CPEB1: variants seen among roughly 807,000 people sequenced by gnomAD.
CPEB1 encodes cytoplasmic polyadenylation element binding protein 1, also known as cytoplasmic polyadenylation element-binding protein 1.
In CPEB1, 7 loss-of-function variants were observed where a neutral mutation model predicts 65.8. The observed-to-expected ratio is 0.11, with a 90% CI of 0.06 to 0.20. The LOEUF is 0.20. Among genes scored for constraint, CPEB1 ranks in the 10% least tolerant of loss-of-function variants. CPEB1 has a pLI of 1.00. For synonymous variants in CPEB1, 262 were observed against 260.0 expected (o/e 1.01, Z -0.08); for missense variants, 551 against 712.2 (o/e 0.77, Z 2.58).
chr15:82,560,545 TACC>T (rs1200070595), intron 4 of CPEB1, among the ~76,000 whole-genome samples: 1 of 151,990 alleles, frequency 6.6e-6, no homozygotes, highest in African/African-American at 2.4e-5. Flanking sequence ...ATGTGATATC[TACC>T]ACATCTGGCT....
intron 3 of CPEB1, among the ~76,000 whole-genome samples, chr15:82,596,391 T>C (rs1489069446): frequency 6.6e-6 from 1 of 152,154 alleles, no homozygotes; most frequent in Non-Finnish European, 1.5e-5. Flanking sequence ...GGAAAACATA[T>C]GTACTAAAAA....
At chr15:82,596,328 T>C (rs1200181702) in intron 3 of CPEB1, among the ~76,000 whole-genome samples, 2 of 152,172 alleles carry the variant, frequency 1.3e-5, no homozygotes, top group South Asian at 2.1e-4. Context: ...AAGATTTAAC[T>C]TGCAAATGCA....
In CPEB1 at chr15:82,628,439, A is replaced by G; in HGVS notation, c.21T>C (p.Thr7=). MFSGIA[T]STSSSMSGTG... Reference sequence around the variant, plus strand: ...TGCCAGACATGGAAGACGATGTTGAAGTAGCAATGCCAGAAAACATATTGA... The same window carrying G: ...TGCCAGACATGGAAGACGATGTTGAGGTAGCAATGCCAGAAAACATATTGA... The change falls in exon 2 of 13, where the codon ACT becomes ACC. Residue 7 remains threonine (T), a synonymous_variant. Transcript: ENST00000684509. 1 of 702,964 alleles carries G rather than the reference A, an allele frequency of 1.4e-6. No individual in the cohort carries two copies. Among genetic ancestry groups the G allele is most frequent in the Non-Finnish European group, 2.6e-6 (1 of 384,980 alleles). The allele number at this position is 702,964 out of a possible 1,614,324, so 43.5% of individuals were successfully genotyped here. A position where few individuals can be genotyped will look rare whatever the true frequency, so the allele number is the denominator to read the frequency against.
At chr15:82,555,288 C>T (rs1223160578) in intron 6 of CPEB1, among the ~76,000 whole-genome samples, 1 of 152,252 alleles carries the variant, frequency 6.6e-6, no homozygotes, top group Non-Finnish European at 1.5e-5. Context: ...TGCTGAGCCA[C>T]CCAGGCCAGC....
intron 4 of CPEB1, among the ~76,000 whole-genome samples, chr15:82,559,156 G>A (rs941631724): frequency 6.6e-6 from 1 of 152,146 alleles, no homozygotes; most frequent in East Asian, 1.9e-4. Flanking sequence ...TCTGGAGCTG[G>A]AGTCCCAAGA....
intron 1 of CPEB1, among the ~76,000 whole-genome samples, chr15:82,632,163 T>C (rs1044588205): frequency 2.6e-5 from 4 of 151,808 alleles, no homozygotes; most frequent in Admixed American, 6.6e-5. Flanking sequence ...TTTGTATTTT[T>C]AGTAGAGATG....
chr15:82,627,500 T>C, intron 2 of CPEB1, 133 bp from the exon 3 acceptor site: 1 of 630,912 alleles, frequency 1.6e-6, no homozygotes, highest in East Asian at 2.9e-5. Flanking sequence ...TTAATGAGTG[T>C]TTACTATGAG....
intron 3 of CPEB1, among the ~76,000 whole-genome samples, chr15:82,611,322 T>TG (rs2044133406): frequency 1.3e-5 from 2 of 152,184 alleles, no homozygotes; most frequent in Non-Finnish European, 2.9e-5. Flanking sequence ...ATTAACAGTT[T>TG]GACTTACAAT....
intron 1 of CPEB1, among the ~76,000 whole-genome samples, chr15:82,643,877 G>A (rs2047293073): frequency 6.6e-6 from 1 of 152,084 alleles, no homozygotes; most frequent in Non-Finnish European, 1.5e-5. Flanking sequence ...CAGCATTATG[G>A]GAATCTTAGC....
chr15:82,557,088 C>T (rs1045589821), intron 5 of CPEB1, among the ~76,000 whole-genome samples: 4 of 152,200 alleles, frequency 2.6e-5, no homozygotes, highest in African/African-American at 7.2e-5. Flanking sequence ...TCTACTATCC[C>T]CTATCTATAT....
rs1381572049 is a variant in CPEB1, at chr15:82,544,539, T to G, written c.*53A>C. The G allele has an allele frequency of 4.2e-6, 6 of 1,423,062 alleles. No individual in the cohort carries two copies. In the African/African-American group the frequency reaches 8.4e-5, roughly 20 times the overall value. The allele number at this position is 1,423,062 out of a possible 1,614,324, so 88.2% of individuals were successfully genotyped here. ...CAGTGGCAGGGTGGTGCAGGCTGCT[T>G]GCCTGACCTGCCAGCTTTGGGCGCC... is the stretch of plus-strand genomic sequence containing the variant. On this transcript the variant is annotated 3_prime_UTR_variant, in exon 13 of 13. Coordinates refer to ENST00000684509, the MANE Select transcript of CPEB1 (RefSeq NM_001365242.1).
chr15:82,558,572 T>C (rs1188853913), intron 4 of CPEB1, among the ~76,000 whole-genome samples: 1 of 152,232 alleles, frequency 6.6e-6, no homozygotes, highest in Non-Finnish European at 1.5e-5. Context: ...CAGAATGACA[T>C]GGTTAAGCCC....
At chr15:82,600,402 T>C (rs1021550745) in intron 3 of CPEB1, among the ~76,000 whole-genome samples, 4 of 151,886 alleles carry the variant, frequency 2.6e-5, no homozygotes, top group Non-Finnish European at 4.4e-5. Flanking sequence ...TAACATTAAA[T>C]ATGCTCCTTG....
chr15:82,554,705 A>G (rs1342978656), intron 6 of CPEB1, among the ~76,000 whole-genome samples: 1 of 152,140 alleles, frequency 6.6e-6, no homozygotes, highest in Non-Finnish European at 1.5e-5. Context: ...CATTTATTTC[A>G]CCCTCCTCTT....
intron 3 of CPEB1, among the ~76,000 whole-genome samples, chr15:82,611,628 G>T (rs1018098876): frequency 6.6e-6 from 1 of 151,648 alleles, no homozygotes; most frequent in Non-Finnish European, 1.5e-5. Context: ...CAGCAGCCAC[G>T]GTGGCACACA....
At chr15:82,641,729 G>T (rs1420809609) in intron 1 of CPEB1, 1 of 150,652 alleles carries the variant, frequency 6.6e-6, no homozygotes, top group Non-Finnish European at 1.5e-5. Context: ...TAATTTAAAA[G>T]GACTGTTCCA....
intron 6 of CPEB1, 127 bp downstream of exon 6, chr15:82,555,743 A>G (rs1005449818): frequency 1.1e-6 from 1 of 926,914 alleles, no homozygotes; most frequent in East Asian, 2.8e-5. Context: ...AATTCTTTGC[A>G]GATCTGGAGA....
intron 3 of CPEB1, among the ~76,000 whole-genome samples, chr15:82,608,772 T>TTATTC (rs1263141434): frequency 6.6e-6 from 1 of 152,040 alleles, no homozygotes; most frequent in African/African-American, 2.4e-5. Context: ...TGATTTTATT[T>TTATTC]TCATTTATTT....
intron 3 of CPEB1, among the ~76,000 whole-genome samples, chr15:82,582,675 T>A (rs1201273830): frequency 9.2e-5 from 14 of 151,362 alleles, no homozygotes; most frequent in Admixed American, 7.9e-4. Context: ...TAGCAAAGGA[T>A]CCCTTTTCTG....
Sources: gnomAD v4.1 joint callset for allele counts (sites outside exome capture counted in the v4.1 genomes callset) on GRCh38, gnomAD v4.1.1 for gene constraint, MANE v1.5 for transcripts, NCBI Gene and HGNC (gene_info 2026-07-23, HGNC 2026-07-21) for gene names.